ZNF599: variants seen among roughly 807,000 people sequenced by gnomAD.
The protein encoded by ZNF599 is zinc finger protein 599.
ZNF599 carries 10 observed loss-of-function variants against 11.7 expected under a neutral mutation model. That is an observed-to-expected ratio of 0.86 (90% confidence interval 0.53 to 1.45). ZNF599 has a LOEUF of 1.45. Among genes scored for constraint, ZNF599 ranks in the 40% most tolerant of loss-of-function variants. The probability of loss-of-function intolerance (pLI) is 0.00; values close to 1 mark genes in which losing one functional copy is unlikely to be tolerated. For synonymous variants in ZNF599, 232 were observed against 253.2 expected (o/e 0.92, Z 0.79); for missense variants, 688 against 713.6 (o/e 0.96, Z 0.41).
chr19:34,803,191 G>A, the ZNF599 span, among the ~76,000 whole-genome samples: 1 of 152,122 alleles, frequency 6.6e-6, no homozygotes, highest in Non-Finnish European at 1.5e-5. Context: ...CTTGGGAAGA[G>A]GATAGGACAG....
At chr19:34,778,280 G>C in the ZNF599 span, among the ~76,000 whole-genome samples, 273 of 151,524 alleles carry the variant, frequency 1.8e-3, no homozygotes, top group African/African-American at 6.3e-3. Context: ...CAAACCTGCA[G>C]GTTGTGCACA....
chr19:34,766,051 A>G (rs16969713), intron 3 of ZNF599, among the ~76,000 whole-genome samples: 1,574 of 152,232 alleles, frequency 0.01, 28 homozygotes, highest in African/African-American at 0.036. Context: ...CACTCATTGA[A>G]AGAGGCATTA....
chr19:34,798,577 C>T, the ZNF599 span, among the ~76,000 whole-genome samples: 1 of 152,188 alleles, frequency 6.6e-6, no homozygotes, highest in Non-Finnish European at 1.5e-5. Flanking sequence ...CATCTGTACC[C>T]TCATGTGAAA....
At chr19:34,794,144 T>A in the ZNF599 span, among the ~76,000 whole-genome samples, 2 of 152,238 alleles carry the variant, frequency 1.3e-5, no homozygotes, top group South Asian at 4.2e-4. Flanking sequence ...TGAGACCCAT[T>A]CACTATCACA....
the ZNF599 span, among the ~76,000 whole-genome samples, chr19:34,787,383 G>A: frequency 6.6e-6 from 1 of 152,132 alleles, no homozygotes; most frequent in South Asian, 2.1e-4. Context: ...AGCAGCCTCA[G>A]AGTTAATCAC....
chr19:34,769,431 A>G lies in ZNF599; in HGVS notation c.143T>C (p.Leu48Pro). The G allele has an allele frequency of 6.2e-7, 1 of 1,614,168 alleles. No homozygotes were observed. Among genetic ancestry groups the G allele is most frequent in the Non-Finnish European group, 8.5e-7 (1 of 1,180,012 alleles). The change falls in exon 2 of 4, where the codon CTG becomes CCG. Residue 48 changes from leucine (L) to proline (P), a missense_variant and splice_region_variant. By Grantham distance (98) the Leu-to-Pro change is moderately conservative (BLOSUM62 -3). Transcript: ENST00000329285. ...ATGGGAGGGTAATGAGGTCTTACCCAGTGAGACCAGGAGCCTGCAGGTCTC... is the reference window on the plus strand; with the variant it reads ...ATGGGAGGGTAATGAGGTCTTACCCGGTGAGACCAGGAGCCTGCAGGTCTC... ...MLETCRLLVS[L>P]GHPVPKPELI...
At position 34,772,142 on chromosome 19, in the gene ZNF599, T is replaced by A. The variant is rs149275729; in HGVS notation, c.18+682A>T. Among the ~76,000 whole-genome samples the A allele has an allele frequency of 3.6e-4, 55 of 152,384 alleles. 1 individual carries two copies. Among genetic ancestry groups the A allele is most frequent in the African/African-American group, 1.3e-3 (55 of 41,592 alleles). On this transcript the variant is annotated intron_variant, in intron 1 of 3. Transcript: ENST00000329285. The stretch of plus-strand genomic sequence containing the variant: ...ACACTCCAAGAGACATACATTCATG[T>A]ACACTGTCATTAATGAATATTGTGC...
the ZNF599 span, among the ~76,000 whole-genome samples, chr19:34,805,271 T>C: frequency 6.9e-6 from 1 of 145,592 alleles, no homozygotes; most frequent in Non-Finnish European, 1.5e-5. Context: ...AATCTCAGCC[T>C]GCTGCAACCT....
the ZNF599 span, among the ~76,000 whole-genome samples, chr19:34,793,241 T>G: frequency 1.3e-5 from 2 of 152,168 alleles, no homozygotes; most frequent in African/African-American, 4.8e-5. Flanking sequence ...AAAAATGTTA[T>G]TGTTCTCTTT....
the ZNF599 span, among the ~76,000 whole-genome samples, chr19:34,804,183 A>G: frequency 6.6e-6 from 1 of 152,234 alleles, no homozygotes; most frequent in East Asian, 1.9e-4. Context: ...TCTAGCAGAC[A>G]ACCACATTTG....
chr19:34,800,621 A>AGTGTC, the ZNF599 span, among the ~76,000 whole-genome samples: 1 of 102,294 alleles, frequency 9.8e-6, no homozygotes, highest in Non-Finnish European at 1.8e-5. Flanking sequence ...TTTGAGACGG[A>AGTGTC]GTGTCGCTCT....
chr19:34,771,263 T>C (rs568997507), intron 1 of ZNF599, among the ~76,000 whole-genome samples: 12 of 152,088 alleles, frequency 7.9e-5, no homozygotes, highest in Non-Finnish European at 1.8e-4. Context: ...AAAAAATAAA[T>C]AAATAAAAAA....
At chr19:34,778,749 A>G in the ZNF599 span, among the ~76,000 whole-genome samples, 1 of 152,216 alleles carries the variant, frequency 6.6e-6, no homozygotes, top group Non-Finnish European at 1.5e-5. Flanking sequence ...CAACTTAGCA[A>G]ACAAGTCACT....
chr19:34,774,542 T>C (rs1479333841), upstream of ZNF599, among the ~76,000 whole-genome samples: 1 of 152,174 alleles, frequency 6.6e-6, no homozygotes, highest in Non-Finnish European at 1.5e-5. Context: ...TGCAATCACT[T>C]CTGCCTATAT....
At chr19:34,772,251 T>C in intron 1 of ZNF599, 3 of 904,160 alleles carry the variant, frequency 3.3e-6, no homozygotes, top group Non-Finnish European at 2.6e-6. Flanking sequence ...GATTCATTTG[T>C]AATAAACAGA....
chr19:34,773,181 G>C lies in ZNF599; in HGVS notation c.-340C>G, dbSNP rs2069197417. The C allele has an allele frequency of 3.1e-6, 1 of 323,556 alleles. No individual in the cohort carries two copies. 20.0% of individuals were successfully genotyped at this position (323,556 alleles called of 1,614,324 possible). A position where few individuals can be genotyped will look rare whatever the true frequency, so the allele number is the denominator to read the frequency against. On this transcript the variant is annotated 5_prime_UTR_variant, in exon 1 of 4. Transcript: ENST00000329285. Reference sequence around the variant, plus strand: ...CAGTGTAGCGTTGGCAACCACAGCAGCCGCAACCTAACGGCGGACGAAGAC... The same window carrying C: ...CAGTGTAGCGTTGGCAACCACAGCACCCGCAACCTAACGGCGGACGAAGAC...
the ZNF599 span, among the ~76,000 whole-genome samples, chr19:34,800,586 G>GTT: frequency 0.52 from 58,126 of 112,866 alleles, 17,039 homozygotes; most frequent in Non-Finnish European, 0.54. Context: ...CATTTCCTTT[G>GTT]TTTTTTTTTT....
At chr19:34,772,732 A>C (rs888063063) in intron 1 of ZNF599, 92 bp downstream of exon 1, 3 of 1,529,408 alleles carry the variant, frequency 2.0e-6, no homozygotes, top group African/African-American at 2.8e-5. Flanking sequence ...AAAAGGGAGA[A>C]GCACAGAGTC....
In ZNF599 at chr19:34,759,173, G is replaced by C. The variant is rs766518647; in HGVS notation, c.1628C>G (p.Ala543Gly). ...AGTTAAAGCAAAGTTGTCACAGAAG[G>C]CTTTCTCACATTCTTTGCATTCAAA... ...KPFECKECEK[A>G]FCDNFALTQH... Residue 543 changes from alanine (A) to glycine (G), a missense_variant, in exon 4 of 4, where the codon GCC (alanine) becomes GGC (glycine). By Grantham distance (60) the Ala-to-Gly change is moderately conservative. Coordinates refer to ENST00000329285, the MANE Select transcript of ZNF599 (RefSeq NM_001007248.3). 1.9e-6 allele frequency: 3 copies of C among 1,614,140 alleles called. No individual in the cohort carries two copies. Among genetic ancestry groups the C allele is most frequent in the South Asian group, 2.2e-5 (2 of 91,084 alleles).
Sources: gnomAD v4.1 joint callset for allele counts (sites outside exome capture counted in the v4.1 genomes callset) on GRCh38, gnomAD v4.1.1 for gene constraint, MANE v1.5 for transcripts, NCBI Gene and HGNC (gene_info 2026-07-23, HGNC 2026-07-21) for gene names.